Variants in PRKG1 observed in about 807,000 individuals in gnomAD.
PRKG1 encodes the protein protein kinase cGMP-dependent 1.
PRKG1 carries 35 observed loss-of-function variants against 88.1 expected under a neutral mutation model. The ratio of observed to expected loss-of-function variants is 0.40; its 90% CI spans 0.30 to 0.53. The LOEUF (loss-of-function observed/expected upper bound fraction) is 0.53. Among genes scored for constraint, PRKG1 ranks in the 20% least tolerant of loss-of-function variants. PRKG1 has a pLI of 0.59. For missense variants in PRKG1, 540 were observed against 839.8 expected (o/e 0.64, Z 4.41); for synonymous variants, 303 against 292.5 (o/e 1.04, Z -0.37).
chr10:52,156,762 A>G (rs1336181258), intron 8 of PRKG1, among the ~76,000 whole-genome samples: 4 of 151,868 alleles, frequency 2.6e-5, no homozygotes, highest in East Asian at 3.8e-4. Flanking sequence ...TGTCAAAACA[A>G]TGAAGGATCC....
chr10:51,590,617 T>C (rs1254963055), intron 3 of PRKG1, among the ~76,000 whole-genome samples: 1 of 152,200 alleles, frequency 6.6e-6, no homozygotes. Context: ...TGCCACCCTT[T>C]TTTCATGCAT....
intron 3 of PRKG1, among the ~76,000 whole-genome samples, chr10:51,628,992 C>CA (rs1336992346): frequency 5.6e-4 from 83 of 147,058 alleles, no homozygotes; most frequent in South Asian, 1.1e-3. Context: ...AAAACAAAAA[C>CA]CAAAAAAACT....
chr10:52,051,911 G>T (rs962427019), intron 5 of PRKG1, among the ~76,000 whole-genome samples: 1 of 152,052 alleles, frequency 6.6e-6, no homozygotes, highest in Non-Finnish European at 1.5e-5. Context: ...GGAAGAGAAA[G>T]GTACTTAGTT....
chr10:51,698,531 C>G (rs1290045936), intron 3 of PRKG1: 16 of 1,614,028 alleles, frequency 9.9e-6, no homozygotes, highest in Non-Finnish European at 1.4e-5. Context: ...AAGCAAAGTC[C>G]CTCCACGTGG....
At chr10:51,177,890 T>A (rs1217573833) in intron 2 of PRKG1, among the ~76,000 whole-genome samples, 2 of 152,024 alleles carry the variant, frequency 1.3e-5, no homozygotes, top group Admixed American at 6.6e-5. Flanking sequence ...GTTATATGTA[T>A]ATACATATAT....
At chr10:51,657,497 C>T (rs1840191036) in intron 3 of PRKG1, among the ~76,000 whole-genome samples, 1 of 152,126 alleles carries the variant, frequency 6.6e-6, no homozygotes, top group African/African-American at 2.4e-5. Context: ...CTCTGAGCAC[C>T]TGTCTTAATA....
intron 5 of PRKG1, among the ~76,000 whole-genome samples, chr10:51,950,857 T>C (rs939201377): frequency 4.6e-5 from 7 of 152,194 alleles, no homozygotes; most frequent in Non-Finnish European, 1.5e-5. Context: ...GAGGTTATGC[T>C]GACAATTGAA....
intron 16 of PRKG1, among the ~76,000 whole-genome samples, chr10:52,290,015 G>A (rs2132462036): frequency 6.6e-6 from 1 of 152,230 alleles, no homozygotes; most frequent in African/African-American, 2.4e-5. Flanking sequence ...ATGTTAATTG[G>A]TGTTTAAAAT....
intron 4 of PRKG1, among the ~76,000 whole-genome samples, chr10:51,839,382 A>G (rs1840211522): frequency 6.6e-6 from 1 of 152,044 alleles, no homozygotes; most frequent in Admixed American, 6.6e-5. Context: ...CCCCATGCCC[A>G]CCCCACCTCT....
At chr10:51,670,055 G>T (rs1840519402) in intron 3 of PRKG1, among the ~76,000 whole-genome samples, 1 of 152,040 alleles carries the variant, frequency 6.6e-6, no homozygotes. Flanking sequence ...TGTATTAGTT[G>T]ATGTGAATGA....
intron 4 of PRKG1, among the ~76,000 whole-genome samples, chr10:51,904,362 A>G (rs975107324): frequency 1.3e-5 from 2 of 152,116 alleles, no homozygotes; most frequent in African/African-American, 4.8e-5. Context: ...ATTATTTTAT[A>G]TATAATTTAG....
intron 1 of PRKG1, among the ~76,000 whole-genome samples, chr10:51,038,982 GC>G (rs1843386809): frequency 6.6e-6 from 1 of 152,138 alleles, no homozygotes; most frequent in South Asian, 2.1e-4. Flanking sequence ...AGGCCTATAT[GC>G]AAAAACAGGC....
chr10:51,558,820 G>A (rs1041490342), intron 3 of PRKG1, among the ~76,000 whole-genome samples: 3 of 152,074 alleles, frequency 2.0e-5, no homozygotes, highest in Non-Finnish European at 4.4e-5. Context: ...TCTCTGTCTT[G>A]TCTTCAGCAT....
intron 4 of PRKG1, among the ~76,000 whole-genome samples, chr10:51,809,883 T>A (rs76689987): frequency 0.073 from 11,142 of 152,206 alleles, 587 homozygotes; most frequent in Middle Eastern, 0.15. Context: ...CAGACTCATC[T>A]CACTCTCCAT....
intron 7 of PRKG1, among the ~76,000 whole-genome samples, chr10:52,131,122 C>T (rs1837244100): frequency 6.6e-6 from 1 of 152,098 alleles, no homozygotes; most frequent in South Asian, 2.1e-4. Flanking sequence ...AAACCCTGAG[C>T]TCTGCCTTCC....
At chr10:51,733,583 A>T (rs1012126740) in intron 3 of PRKG1, among the ~76,000 whole-genome samples, 1 of 152,194 alleles carries the variant, frequency 6.6e-6, no homozygotes, top group Non-Finnish European at 1.5e-5. Context: ...TATCTTTAAG[A>T]GTTAGAGTCT....
chr10:52,040,838 T>TC (rs1845738184), intron 5 of PRKG1, among the ~76,000 whole-genome samples: 1 of 142,720 alleles, frequency 7.0e-6, no homozygotes, highest in East Asian at 2.0e-4. Context: ...TTTTCTTTTT[T>TC]TTTTTTTTTT....
At chr10:51,951,172 G>GT (rs949889255) in intron 5 of PRKG1, among the ~76,000 whole-genome samples, 8 of 151,934 alleles carry the variant, frequency 5.3e-5, no homozygotes, top group East Asian at 1.9e-4. Context: ...CCTTCAGGCT[G>GT]TTTTTTTTGG....
chr10:51,836,707 C>G (rs1840139759), intron 4 of PRKG1, among the ~76,000 whole-genome samples: 1 of 151,896 alleles, frequency 6.6e-6, no homozygotes, highest in Non-Finnish European at 1.5e-5. Flanking sequence ...ATCCACTAAC[C>G]AAAAAACCCT....
Sources: allele counts gnomAD v4.1 joint callset (sites outside exome capture counted in the v4.1 genomes callset), GRCh38; gene constraint gnomAD v4.1.1; transcripts MANE v1.5; gene names NCBI Gene and HGNC (gene_info 2026-07-23, HGNC 2026-07-21).